NFIB: variants seen among roughly 807,000 people sequenced by gnomAD.
The protein encoded by NFIB is nuclear factor I B.
A neutral mutation model predicts 61.5 loss-of-function variants in NFIB; 11 were observed. That is an observed-to-expected ratio of 0.18 (90% CI 0.11 to 0.30). The LOEUF is 0.30. Ranked by LOEUF, NFIB falls within the 10% of genes least tolerant of loss-of-function variation. The probability of loss-of-function intolerance (pLI) is 1.00; values close to 1 mark genes in which losing one functional copy is unlikely to be tolerated. For missense variants in NFIB, 471 were observed against 608.9 expected, an observed-to-expected ratio of 0.77 and a Z score of 2.38; for synonymous variants, 260 against 216.5, an observed-to-expected ratio of 1.20 and a Z score of -1.76.
intron 5 of NFIB, among the ~76,000 whole-genome samples, chr9:14,147,316 T>C (rs1182932245): frequency 6.6e-6 from 1 of 152,096 alleles, no homozygotes; most frequent in Admixed American, 6.6e-5. Flanking sequence ...GCTCCTTAAC[T>C]TATCTAAACT....
At chr9:14,237,782 G>A (rs372917865) in intron 2 of NFIB, among the ~76,000 whole-genome samples, 2,620 of 92,216 alleles carry the variant, frequency 0.028, 57 homozygotes, top group African/African-American at 0.044. Flanking sequence ...GTGTGTGTGT[G>A]TGTGTGTGTG....
chr9:14,322,935 A>G (rs1180367362), intron 1 of NFIB, among the ~76,000 whole-genome samples: 1 of 152,086 alleles, frequency 6.6e-6, no homozygotes, highest in Non-Finnish European at 1.5e-5. Context: ...CGCCGCGGGC[A>G]AGGGGCCCCT....
chr9:14,363,771 C>T (rs1473041224), intron 1 of NFIB, among the ~76,000 whole-genome samples: 2 of 152,040 alleles, frequency 1.3e-5, no homozygotes, highest in Non-Finnish European at 1.5e-5. Context: ...TAACTTTTCA[C>T]TTATTTTACA....
chr9:14,328,075 T>C (rs2060776302), intron 1 of NFIB, among the ~76,000 whole-genome samples: 1 of 152,208 alleles, frequency 6.6e-6, no homozygotes, highest in Non-Finnish European at 1.5e-5. Context: ...GAAATACAAG[T>C]TTTAGGAACA....
At chr9:14,428,084 T>C in the NFIB span, among the ~76,000 whole-genome samples, 2 of 151,432 alleles carry the variant, frequency 1.3e-5, no homozygotes, top group African/African-American at 4.9e-5. Flanking sequence ...TAGCTGGGAC[T>C]ACAGGCATAT....
rs1323394464 is a variant in NFIB at position 14,305,983 on chromosome 9, T to A, written c.562+1006A>T. On this transcript the variant is annotated intron_variant, in intron 2 of 10. Coordinates refer to ENST00000380953, the MANE Select transcript of NFIB (RefSeq NM_001190737.2). ...TGTTGGTAATGCAAGGACATCTATA[T>A]CTTGATGCATTTATTTGAAGAAAAG... is the stretch of plus-strand genomic sequence containing the variant. 10 of 1,353,344 alleles carry A rather than the reference T, an allele frequency of 7.4e-6. No homozygotes were observed. In the African/African-American group the frequency reaches 1.2e-4, roughly 16 times the overall value. 83.8% of individuals were successfully genotyped at this position (1,353,344 alleles called of 1,614,324 possible).
intron 6 of NFIB, among the ~76,000 whole-genome samples, chr9:14,131,510 G>A (rs1317489684): frequency 6.6e-6 from 1 of 152,322 alleles, no homozygotes; most frequent in African/African-American, 2.4e-5. Context: ...AAGGAAGAGA[G>A]TCGCTGTGAA....
chr9:14,129,206 A>C (rs541314443), intron 6 of NFIB, among the ~76,000 whole-genome samples: 2 of 152,262 alleles, frequency 1.3e-5, no homozygotes, highest in Admixed American at 1.3e-4. Flanking sequence ...CACTGACCAA[A>C]CTGAAAGGAT....
the NFIB span, among the ~76,000 whole-genome samples, chr9:14,443,408 G>A: frequency 1.3e-5 from 2 of 152,120 alleles, no homozygotes; most frequent in Admixed American, 1.3e-4. Context: ...AGGCATCTCA[G>A]GTTCACTGTC....
At chr9:14,462,273 T>C in the NFIB span, among the ~76,000 whole-genome samples, 1 of 152,034 alleles carries the variant, frequency 6.6e-6, no homozygotes, top group Non-Finnish European at 1.5e-5. Context: ...TTTTCTTTTT[T>C]TTCTTTTTTT....
At chr9:14,498,717 G>A in the NFIB span, among the ~76,000 whole-genome samples, 1 of 151,900 alleles carries the variant, frequency 6.6e-6, no homozygotes, top group African/African-American at 2.4e-5. Context: ...GGCTACAGTA[G>A]CTAGTCTAAG....
chr9:14,346,373 T>C (rs2061023127), intron 1 of NFIB, among the ~76,000 whole-genome samples: 1 of 146,176 alleles, frequency 6.8e-6, no homozygotes, highest in African/African-American at 2.5e-5. Context: ...ACGGGCGTCA[T>C]CTGCCACGTG....
chr9:14,199,131 T>G (rs1426956304), intron 2 of NFIB, among the ~76,000 whole-genome samples: 1 of 152,228 alleles, frequency 6.6e-6, no homozygotes, highest in Non-Finnish European at 1.5e-5. Context: ...TACAGCTTTT[T>G]CCAAGTCGAA....
intron 2 of NFIB, among the ~76,000 whole-genome samples, chr9:14,194,430 A>G (rs1435587083): frequency 6.6e-6 from 1 of 152,180 alleles, no homozygotes; most frequent in Non-Finnish European, 1.5e-5. Flanking sequence ...TTTTCTCGTA[A>G]TGGCAGGTAG....
intron 2 of NFIB, among the ~76,000 whole-genome samples, chr9:14,303,502 G>C (rs1196270415): frequency 6.6e-6 from 1 of 152,172 alleles, no homozygotes; most frequent in African/African-American, 2.4e-5. Flanking sequence ...ATACCATTTA[G>C]AGCTATTTTT....
At chr9:14,344,773 A>C (rs1390520145) in intron 1 of NFIB, among the ~76,000 whole-genome samples, 1 of 127,170 alleles carries the variant, frequency 7.9e-6, no homozygotes, top group Non-Finnish European at 1.5e-5. Flanking sequence ...CAAAAAGGAG[A>C]AAAAAAATCC....
At chr9:14,204,320 A>T (rs1268250940) in intron 2 of NFIB, 1 of 732,446 alleles carries the variant, frequency 1.4e-6, no homozygotes, top group Non-Finnish European at 2.4e-6. Flanking sequence ...GCAGGAGGCC[A>T]AGAAAGTGGT....
At chr9:14,416,192 A>G in the NFIB span, among the ~76,000 whole-genome samples, 1 of 152,282 alleles carries the variant, frequency 6.6e-6, no homozygotes, top group Non-Finnish European at 1.5e-5. Flanking sequence ...CACATATACC[A>G]TAATGGTCCC....
intron 1 of NFIB, among the ~76,000 whole-genome samples, chr9:14,378,955 G>A (rs940404369): frequency 3.3e-5 from 5 of 152,100 alleles, no homozygotes; most frequent in African/African-American, 1.2e-4. Flanking sequence ...GAGAAGGATG[G>A]AAGCCTCCCA....
Sources: gnomAD v4.1 joint callset for allele counts (sites outside exome capture counted in the v4.1 genomes callset) on GRCh38, gnomAD v4.1.1 for gene constraint, MANE v1.5 for transcripts, NCBI Gene and HGNC (gene_info 2026-07-23, HGNC 2026-07-21) for gene names.